NDUFAF2: variants seen among roughly 807,000 people sequenced by gnomAD.
NDUFAF2 encodes NADH dehydrogenase [ubiquinone] 1 alpha subcomplex assembly factor 2.
NDUFAF2 carries 13 observed loss-of-function variants against 22.8 expected under a neutral mutation model. That is an observed-to-expected ratio of 0.57 (90% CI 0.37 to 0.91). NDUFAF2 has a LOEUF of 0.91. Among genes scored for constraint, NDUFAF2 ranks in the 40% least tolerant of loss-of-function variants. The probability of loss-of-function intolerance (pLI) is 0.01; values close to 1 mark genes in which losing one functional copy is unlikely to be tolerated. For missense variants in NDUFAF2, 162 were observed against 195.2 expected (o/e 0.83, Z 1.01); for synonymous variants, 53 against 64.2 (o/e 0.83, Z 0.84).
intron 2 of NDUFAF2, among the ~76,000 whole-genome samples, chr5:61,084,454 T>C (rs568140300): frequency 6.9e-5 from 10 of 145,188 alleles, no homozygotes; most frequent in African/African-American, 9.8e-5. Flanking sequence ...TTCATGCCCA[T>C]TGAAAAACAA....
intron 1 of NDUFAF2, among the ~76,000 whole-genome samples, chr5:60,988,438 C>G (rs193093046): frequency 7.9e-5 from 12 of 152,248 alleles, no homozygotes; most frequent in Admixed American, 1.3e-4. Flanking sequence ...TTTTAAAATT[C>G]ATATGGAACC....
At chr5:60,968,856 C>T (rs1211083795) in intron 1 of NDUFAF2, among the ~76,000 whole-genome samples, 1 of 152,012 alleles carries the variant, frequency 6.6e-6, no homozygotes, top group Admixed American at 6.5e-5. Context: ...CCCACCACCC[C>T]TCTACTACCC....
chr5:60,987,240 C>A (rs1751094414), intron 1 of NDUFAF2, among the ~76,000 whole-genome samples: 1 of 152,064 alleles, frequency 6.6e-6, no homozygotes, highest in African/African-American at 2.4e-5. Flanking sequence ...GAAATTGAAT[C>A]CCTGAACAGA....
chr5:60,993,175 T>C (rs138759537), intron 1 of NDUFAF2, among the ~76,000 whole-genome samples: 2 of 152,334 alleles, frequency 1.3e-5, no homozygotes, highest in African/African-American at 2.4e-5. Flanking sequence ...AGGTGCAGCA[T>C]GGGCACTGGC....
intron 1 of NDUFAF2, among the ~76,000 whole-genome samples, chr5:60,977,836 C>CAAAA (rs373286895): frequency 1.0e-3 from 120 of 116,474 alleles, no homozygotes; most frequent in East Asian, 1.5e-3. Context: ...GACTCTGTCT[C>CAAAA]AAAAAAAAAA....
intron 1 of NDUFAF2, among the ~76,000 whole-genome samples, chr5:60,956,024 C>G (rs158924): frequency 1.3e-5 from 2 of 151,414 alleles, no homozygotes; most frequent in African/African-American, 4.9e-5. Flanking sequence ...AAGTGATCCT[C>G]CTAAGTACTG....
chr5:61,114,620 A>C (rs1273783163), intron 3 of NDUFAF2: 1 of 152,064 alleles, frequency 6.6e-6, no homozygotes, highest in African/African-American at 2.4e-5. Context: ...GGCATTGAAG[A>C]ATTTGGTATT....
intron 1 of NDUFAF2, among the ~76,000 whole-genome samples, chr5:60,976,943 A>G (rs62367872): frequency 0.39 from 58,654 of 151,914 alleles, 12,334 homozygotes; most frequent in East Asian, 0.8. Context: ...TTGAATATCT[A>G]TCTTCTGTGT....
chr5:61,041,396 T>C (rs1472634235), intron 1 of NDUFAF2, among the ~76,000 whole-genome samples: 1 of 152,312 alleles, frequency 6.6e-6, no homozygotes, highest in African/African-American at 2.4e-5. Context: ...TTGAGGTGGT[T>C]GTAGGTTGTT....
intron 1 of NDUFAF2, among the ~76,000 whole-genome samples, chr5:60,949,335 T>G (rs1750509790): frequency 6.6e-6 from 1 of 152,244 alleles, no homozygotes; most frequent in Non-Finnish European, 1.5e-5. Context: ...CTTCTTCTAT[T>G]CAGCATAATG....
intron 3 of NDUFAF2, among the ~76,000 whole-genome samples, chr5:61,126,975 A>C (rs1269749948): frequency 2.0e-5 from 3 of 152,202 alleles, no homozygotes; most frequent in African/African-American, 7.2e-5. Flanking sequence ...TCCCACAGAA[A>C]TACAAACTAC....
intron 1 of NDUFAF2, among the ~76,000 whole-genome samples, chr5:61,050,769 A>C (rs897217412): frequency 1.4e-4 from 21 of 152,184 alleles, no homozygotes; most frequent in African/African-American, 5.1e-4. Flanking sequence ...AATAAGAAAT[A>C]TCTTCATTAT....
intron 1 of NDUFAF2, among the ~76,000 whole-genome samples, chr5:60,970,240 G>GT (rs1750809760): frequency 6.6e-6 from 1 of 152,070 alleles, no homozygotes; most frequent in Non-Finnish European, 1.5e-5. Context: ...TTTTAGGATT[G>GT]TTTTTCTGAT....
At chr5:61,087,246 T>A (rs1176351201) in intron 2 of NDUFAF2, among the ~76,000 whole-genome samples, 2 of 152,128 alleles carry the variant, frequency 1.3e-5, no homozygotes, top group Non-Finnish European at 2.9e-5. Flanking sequence ...CTACAAGCCA[T>A]GAGAAGAAGC....
chr5:61,062,391 G>T (rs1421934899), intron 1 of NDUFAF2, among the ~76,000 whole-genome samples: 3 of 152,082 alleles, frequency 2.0e-5, no homozygotes, highest in Non-Finnish European at 2.9e-5. Context: ...AAATCTTGGA[G>T]CTGAAGAATT....
intron 1 of NDUFAF2, among the ~76,000 whole-genome samples, chr5:61,046,732 G>A (rs1044603143): frequency 5.9e-5 from 9 of 152,214 alleles, no homozygotes; most frequent in Middle Eastern, 6.8e-3. Context: ...AGTAAAGTAA[G>A]TATCCCTTCA....
chr5:60,975,601 T>G (rs1484218208), intron 1 of NDUFAF2, among the ~76,000 whole-genome samples: 1 of 152,178 alleles, frequency 6.6e-6, no homozygotes, highest in African/African-American at 2.4e-5. Flanking sequence ...ACAGTCAGTA[T>G]AGACAACAGA....
chr5:61,040,293 C>CGT (rs1217033409), intron 1 of NDUFAF2, among the ~76,000 whole-genome samples: 8 of 127,738 alleles, frequency 6.3e-5, no homozygotes, highest in African/African-American at 3.3e-4. Context: ...CACACGCGCG[C>CGT]GCGCGCGCGA....
chr5:61,087,671 C>T (rs929042015), intron 2 of NDUFAF2, among the ~76,000 whole-genome samples: 3 of 152,090 alleles, frequency 2.0e-5, no homozygotes, highest in African/African-American at 7.2e-5. Flanking sequence ...CACCCAGAGA[C>T]ATAAAGACAT....
Sources: gnomAD v4.1 joint callset for allele counts (sites outside exome capture counted in the v4.1 genomes callset) on GRCh38, gnomAD v4.1.1 for gene constraint, MANE v1.5 for transcripts, NCBI Gene and HGNC (gene_info 2026-07-23, HGNC 2026-07-21) for gene names.